The following HSF2 variants were observed in gnomAD, a reference collection of about 807,000 sequenced individuals.
HSF2 encodes heat shock factor protein 2.
A neutral mutation model predicts 65.0 loss-of-function variants in HSF2; 21 were observed. The observed-to-expected ratio is 0.32, with a 90% CI of 0.23 to 0.47. HSF2 has a LOEUF of 0.47. HSF2 is among the 20% of genes least tolerant of loss of function. The probability of loss-of-function intolerance (pLI) is 1.00; values close to 1 mark genes in which losing one functional copy is unlikely to be tolerated. For synonymous variants in HSF2, 225 were observed against 219.1 expected (o/e 1.03, Z -0.24); for missense variants, 499 against 628.1 (o/e 0.79, Z 2.20).
intron 1 of HSF2, among the ~76,000 whole-genome samples, chr6:122,408,818 C>G (rs1251336583): frequency 3.3e-5 from 5 of 150,068 alleles, no homozygotes; most frequent in Non-Finnish European, 7.4e-5. Context: ...TTCCCCCTTA[C>G]TAGCTGTTAG....
chr6:122,422,643 AT>A, intron 8 of HSF2, 74 bp from the exon 9 acceptor site: 2 of 1,490,056 alleles, frequency 1.3e-6, no homozygotes, highest in Non-Finnish European at 1.9e-6. Flanking sequence ...GAGAGTTTCC[AT>A]TTAGAATGAA....
intron 4 of HSF2, among the ~76,000 whole-genome samples, chr6:122,414,132 G>C (rs150452339): frequency 6.6e-6 from 1 of 152,238 alleles, no homozygotes; most frequent in Non-Finnish European, 1.5e-5. Flanking sequence ...TGCCATGCTT[G>C]ATACTTATTT....
Position 122,413,514 on chromosome 6 carries a change from CT to C in HSF2, c.331-6del. 1.3e-6 allele frequency: 2 copies of C among 1,546,670 alleles called. No homozygotes were observed. Among genetic ancestry groups the C allele is most frequent in the Non-Finnish European group, 1.8e-6 (2 of 1,130,200 alleles). On this transcript the variant is annotated splice_polypyrimidine_tract_variant and intron_variant, in intron 3 of 12. Coordinates refer to ENST00000368455, the MANE Select transcript of HSF2 (RefSeq NM_004506.4). ...CTGTTTCTTTGATTTTCTAAATTTA[CT>C]TTTTCAAAGGTTTCATCTTCAAAAC...
intron 10 of HSF2, among the ~76,000 whole-genome samples, chr6:122,427,555 C>A (rs1186250071): frequency 6.6e-6 from 1 of 151,514 alleles, no homozygotes; most frequent in Non-Finnish European, 1.5e-5. Flanking sequence ...ACCCTGCACA[C>A]CACTTAAGGC....
At position 122,416,228 on chromosome 6, in the gene HSF2, G is replaced by A; in HGVS notation, c.463G>A (p.Glu155Lys). ...SRLSELKSENESLWKEVSELR... is the reference protein window; with the variant it reads ...SRLSELKSENKSLWKEVSELR... Reference sequence around the variant, plus strand: ...TAATAAATTATAACATAGTGAGAATGAGTCCCTTTGGAAGGAGGTGTCAGA... The same window carrying A: ...TAATAAATTATAACATAGTGAGAATAAGTCCCTTTGGAAGGAGGTGTCAGA... The change falls in exon 5 of 13, where the codon GAG becomes AAG. Residue 155 changes from glutamate (E) to lysine (K), a missense_variant. Glu to Lys is a moderately conservative substitution (Grantham distance 56). Coordinates refer to ENST00000368455, the MANE Select transcript of HSF2 (RefSeq NM_004506.4). 1 of 1,595,492 alleles carries A rather than the reference G, an allele frequency of 6.3e-7. No homozygotes were observed. The highest frequency in any genetic ancestry group is 8.6e-7 in the Non-Finnish European group (1 of 1,163,460).
chr6:122,420,738 A>G (rs574457), intron 7 of HSF2, among the ~76,000 whole-genome samples: 66,802 of 83,986 alleles, frequency 0.8, 25,916 homozygotes, highest in South Asian at 0.89. Context: ...TTGAGATGGG[A>G]TTTCACTCTG....
At chr6:122,412,344 A>C (rs775144481) in intron 1 of HSF2, 29 bp from the exon 2 acceptor site, 4 of 1,316,758 alleles carry the variant, frequency 3.0e-6, no homozygotes, top group East Asian at 4.6e-5. Flanking sequence ...TAACTAATTT[A>C]CTTTTTCTTT....
chr6:122,400,043 C>A (rs1403068368), intron 1 of HSF2, among the ~76,000 whole-genome samples: 1 of 152,032 alleles, frequency 6.6e-6, no homozygotes, highest in African/African-American at 2.4e-5. Context: ...CCTCAGGCCG[C>A]GGTGGGGGAG....
At position 122,432,482 on chromosome 6, in the gene HSF2, T is replaced by A; in HGVS notation, c.*262T>A. ...ATTCAAATGGCCATTTTTCTCCAAT[T>A]TTGGTAAATTGGATATCTTTTTTTT... On this transcript the variant is annotated 3_prime_UTR_variant, in exon 13 of 13. Coordinates refer to ENST00000368455, the MANE Select transcript of HSF2 (RefSeq NM_004506.4). 1 of 365,610 alleles carries A rather than the reference T, an allele frequency of 2.7e-6. No individual in the cohort carries two copies. The allele number at this position is 365,610 out of a possible 1,614,324, so 22.6% of individuals were successfully genotyped here. A position where few individuals can be genotyped will look rare whatever the true frequency, so the allele number is the denominator to read the frequency against.
At chr6:122,423,781 G>A in intron 10 of HSF2, 95 bp downstream of exon 10, 1 of 570,878 alleles carries the variant, frequency 1.8e-6, no homozygotes, top group Non-Finnish European at 2.9e-6. Context: ...GTATTCTACA[G>A]GTTGTTTTTG....
At chr6:122,416,543 A>T (rs1375865401) in intron 5 of HSF2, among the ~76,000 whole-genome samples, 1 of 152,246 alleles carries the variant, frequency 6.6e-6, no homozygotes, top group Non-Finnish European at 1.5e-5. Context: ...TTAGTAAATG[A>T]TCTTTTGCCT....
At chr6:122,404,460 C>A (rs1216838394) in intron 1 of HSF2, among the ~76,000 whole-genome samples, 1 of 152,104 alleles carries the variant, frequency 6.6e-6, no homozygotes. Flanking sequence ...GCTAAAGACT[C>A]TAAAAGAGTA....
chr6:122,416,993 T>A (rs978666446), intron 5 of HSF2, among the ~76,000 whole-genome samples: 6 of 152,132 alleles, frequency 3.9e-5, no homozygotes, highest in African/African-American at 7.2e-5. Flanking sequence ...AAGCAACAGG[T>A]TTTTTGAGGG....
intron 6 of HSF2, among the ~76,000 whole-genome samples, 179 bp from the exon 7 acceptor site, chr6:122,419,956 C>T (rs1774197672): frequency 6.6e-6 from 1 of 152,088 alleles, no homozygotes; most frequent in African/African-American, 2.4e-5. Context: ...CCTAGATATT[C>T]TCATCCAGCA....
rs987534972 is a variant in HSF2 at position 122,412,975 on chromosome 6, C to T, written c.330+211C>T. On this transcript the variant is annotated intron_variant, in intron 3 of 12. Coordinates refer to ENST00000368455, the MANE Select transcript of HSF2 (RefSeq NM_004506.4). ...TTAAGTTCCTGCTAGAATATGAGCT[C>T]CCTGGAAGACTTTTTCTATAGTTTG... is the stretch of plus-strand genomic sequence containing the variant. Among the ~76,000 whole-genome samples, 72 of 151,556 alleles carry T rather than the reference C, an allele frequency of 4.8e-4. 1 individual carries two copies. The highest frequency in any genetic ancestry group is 3.9e-4 in the Admixed American group (6 of 15,222).
chr6:122,412,267 A>AG (rs1166325081), intron 1 of HSF2, 106 bp from the exon 2 acceptor site: 1 of 689,502 alleles, frequency 1.5e-6, no homozygotes, highest in African/African-American at 1.8e-5. Flanking sequence ...GAAGACATCA[A>AG]GGAGGGACTG....
At chr6:122,416,408 T>C (rs1161202040) in intron 5 of HSF2, 112 bp downstream of exon 5, 1 of 592,248 alleles carries the variant, frequency 1.7e-6, no homozygotes, top group African/African-American at 1.9e-5. Context: ...TTCTTACATA[T>C]TGGATGCACA....
intron 1 of HSF2, among the ~76,000 whole-genome samples, chr6:122,407,687 A>C (rs1166088004): frequency 2.0e-5 from 3 of 151,842 alleles, no homozygotes; most frequent in Non-Finnish European, 4.4e-5. Flanking sequence ...TTTACATTTT[A>C]GTTGTCTAGC....
intron 1 of HSF2, among the ~76,000 whole-genome samples, chr6:122,405,816 T>C (rs1773857278): frequency 1.3e-5 from 2 of 152,244 alleles, no homozygotes; most frequent in Non-Finnish European, 2.9e-5. Context: ...GCAAGCCTAA[T>C]TTACTATTTG....
Sources: allele counts gnomAD v4.1 joint callset (sites outside exome capture counted in the v4.1 genomes callset), GRCh38; gene constraint gnomAD v4.1.1; transcripts MANE v1.5; gene names NCBI Gene and HGNC (gene_info 2026-07-23, HGNC 2026-07-21).